RASGRP3: variants seen among roughly 807,000 people sequenced by gnomAD.
RASGRP3 encodes RAS guanyl releasing protein 3.
In RASGRP3, 54 loss-of-function variants were observed where a neutral mutation model predicts 82.7. That is an observed-to-expected ratio of 0.65 (90% CI 0.52 to 0.82). RASGRP3 has a LOEUF of 0.82. Among genes scored for constraint, RASGRP3 ranks in the 40% least tolerant of loss-of-function variants. The pLI, the probability that RASGRP3 is intolerant of heterozygous loss-of-function variation, is 0.00. For missense variants in RASGRP3, 861 were observed against 828.9 expected (o/e 1.04, Z -0.48); for synonymous variants, 309 against 300.5 (o/e 1.03, Z -0.29).
In RASGRP3 at chr2:33,558,237, T is replaced by C. The variant is rs773260697; in HGVS notation, c.1606T>C (p.Cys536Arg). ...CTGTGGAGCCAATTGTCACAAACAG[T>C]GCAAAGACCTCCTGGTTCTGGCCTG... ...KDCGANCHKQ[C>R]KDLLVLACRR... Residue 536 changes from cysteine to arginine, a missense_variant, in exon 16 of 18, where the codon TGC (cysteine) becomes CGC (arginine). By Grantham distance (180) the Cys-to-Arg change is radical. Transcript: ENST00000403687. 5.6e-5 allele frequency: 91 copies of C among 1,611,950 alleles called. No individual in the cohort carries two copies. The highest frequency in any genetic ancestry group is 7.4e-5 in the Non-Finnish European group (87 of 1,179,112).
chr2:33,531,720 C>T (rs1245708363), intron 10 of RASGRP3: 1 of 152,222 alleles, frequency 6.6e-6, no homozygotes, highest in Non-Finnish European at 1.5e-5. Context: ...ACTACCAAAA[C>T]ATTTCCATCG....
upstream of RASGRP3, among the ~76,000 whole-genome samples, chr2:33,475,596 C>G (rs2150923509): frequency 6.6e-6 from 1 of 152,268 alleles, no homozygotes; most frequent in African/African-American, 2.4e-5. Context: ...GAAGGGCAGG[C>G]TCAGACACTG....
At chr2:33,483,454 A>G (rs962192895) in intron 1 of RASGRP3, among the ~76,000 whole-genome samples, 2 of 150,548 alleles carry the variant, frequency 1.3e-5, no homozygotes, top group African/African-American at 4.9e-5. Context: ...AATTAAATTC[A>G]TATCTAATCC....
At chr2:33,465,070 T>C (rs1328630194) in intron 2 of RASGRP3, among the ~76,000 whole-genome samples, 2 of 152,202 alleles carry the variant, frequency 1.3e-5, no homozygotes, top group Non-Finnish European at 2.9e-5. Context: ...GTGAGGAAGG[T>C]GTGCTGAAAG....
chr2:33,448,056 T>C (rs1665592207), intron 2 of RASGRP3: 1 of 152,232 alleles, frequency 6.6e-6, no homozygotes, highest in South Asian at 2.1e-4. Flanking sequence ...GTCAGAAACT[T>C]TGTAAATTAT....
intron 17 of RASGRP3, among the ~76,000 whole-genome samples, chr2:33,559,319 C>G (rs924622778): frequency 2.6e-5 from 4 of 152,142 alleles, no homozygotes; most frequent in Admixed American, 1.3e-4. Flanking sequence ...CCCAGAAACC[C>G]ATGACTATAT....
At position 33,556,924 on chromosome 2, in the gene RASGRP3, C is replaced by CAT. The variant is rs1553366479; in HGVS notation, c.1580-1286_1580-1285insTA. 6.0e-3 allele frequency among the ~76,000 whole-genome samples: 593 copies of CAT among 98,148 alleles called. 3 individuals are homozygous for CAT. Among genetic ancestry groups the CAT allele is most frequent in the African/African-American group, 0.033 (574 of 17,164 alleles). 64.4% of individuals were successfully genotyped at this position (98,148 alleles called of 152,430 possible). ...ACACACACACACACACACACACACA[C>CAT]ACACGCAATTTTATAAAGATGAAAA... On this transcript the variant is annotated intron_variant, in intron 15 of 17. Coordinates refer to ENST00000403687, the MANE Select transcript of RASGRP3 (RefSeq NM_001139488.2).
intron 2 of RASGRP3, among the ~76,000 whole-genome samples, chr2:33,463,966 C>T (rs1666527483): frequency 6.6e-6 from 1 of 151,886 alleles, no homozygotes; most frequent in Non-Finnish European, 1.5e-5. Context: ...TTACACTTCA[C>T]AGATACTATG....
chr2:33,500,141 T>C (rs1490907551), intron 1 of RASGRP3, among the ~76,000 whole-genome samples: 1 of 152,116 alleles, frequency 6.6e-6, no homozygotes, highest in Non-Finnish European at 1.5e-5. Flanking sequence ...ATGGGGTCTG[T>C]GAAACCAGAG....
At chr2:33,452,657 C>T (rs931983931) in intron 2 of RASGRP3, among the ~76,000 whole-genome samples, 2 of 152,188 alleles carry the variant, frequency 1.3e-5, no homozygotes, top group Non-Finnish European at 1.5e-5. Flanking sequence ...TAGGATGGGC[C>T]TGGAGCCTGA....
chr2:33,522,077 A>G lies in RASGRP3; in HGVS notation c.491A>G (p.Glu164Gly). 1 of 1,609,664 alleles carries G rather than the reference A, an allele frequency of 6.2e-7. No homozygotes were observed. Among genetic ancestry groups the G allele is most frequent in the South Asian group, 1.1e-5 (1 of 89,926 alleles). ...IELAEHLTFL[E>G]HKSFRRISFT... ...TTGGCTGAGCACCTCACTTTTCTGGAGCATAAATCTTTTAGAAGGATCTCA... is the reference window on the plus strand; with the variant it reads ...TTGGCTGAGCACCTCACTTTTCTGGGGCATAAATCTTTTAGAAGGATCTCA... Residue 164 changes from glutamate to glycine, a missense_variant, in exon 7 of 18, where the codon GAG (glutamate) becomes GGG (glycine). Coordinates refer to ENST00000403687, the MANE Select transcript of RASGRP3 (RefSeq NM_001139488.2).
At chr2:33,560,422 T>C (rs1053338434) in intron 17 of RASGRP3, among the ~76,000 whole-genome samples, 5 of 152,200 alleles carry the variant, frequency 3.3e-5, no homozygotes, top group Non-Finnish European at 7.3e-5. Flanking sequence ...TGATTAGGTG[T>C]CAACAGCTCT....
At chr2:33,556,229 A>ATTTTTTTTTTT (rs1675932842) in intron 15 of RASGRP3, among the ~76,000 whole-genome samples, 1 of 86,954 alleles carries the variant, frequency 1.2e-5, no homozygotes, top group African/African-American at 6.6e-5. Flanking sequence ...TCTTCTAATA[A>ATTTTTTTTTTT]TCTTTTTTTT....
chr2:33,545,144 G>A (rs1440283436), intron 13 of RASGRP3, among the ~76,000 whole-genome samples: 1 of 152,120 alleles, frequency 6.6e-6, no homozygotes, highest in Non-Finnish European at 1.5e-5. Context: ...AATTGAGATT[G>A]TCCTAGCAAA....
At chr2:33,532,865 GATAA>G (rs1673237613) in intron 10 of RASGRP3, 1 of 152,192 alleles carries the variant, frequency 6.6e-6, no homozygotes, top group South Asian at 2.1e-4. Flanking sequence ...GTAGATTACT[GATAA>G]ATATTTGTTG....
At chr2:33,505,862 G>A (rs1448507904) in intron 1 of RASGRP3, among the ~76,000 whole-genome samples, 1 of 151,976 alleles carries the variant, frequency 6.6e-6, no homozygotes, top group African/African-American at 2.4e-5. Flanking sequence ...TGCTATGTTC[G>A]GCTGCAGCCA....
At position 33,558,656 on chromosome 2, in the gene RASGRP3, C is replaced by T. The variant is rs1365678951; in HGVS notation, c.1706-16C>T. ...CAGTCAGATGTCAAATAATCACCAC[C>T]CTTTTTCACTTCCAGCGCAGGATGA... On this transcript the variant is annotated splice_polypyrimidine_tract_variant and intron_variant, in intron 16 of 17. Coordinates refer to ENST00000403687, the MANE Select transcript of RASGRP3 (RefSeq NM_001139488.2). The T allele has an allele frequency of 1.9e-6, 3 of 1,568,900 alleles. No homozygotes were observed. The highest frequency in any genetic ancestry group is 2.4e-5 in the South Asian group (2 of 83,538).
rs765526367 is a variant in RASGRP3 at position 33,524,014 on chromosome 2, AG to A, written c.655del (p.Ala219GlnfsTer23). On this transcript the variant is annotated frameshift_variant, in exon 8 of 18. Coordinates refer to ENST00000403687, the MANE Select transcript of RASGRP3 (RefSeq NM_001139488.2). LOFTEE classifies it high-confidence loss of function. Reference protein sequence around the residue: ...MVLSKPTPQQRAEVITKFINV... With the variant: ...MVLSKPTPQQXAEVITKFINV... ...TCTTAGCAAACCAACCCCCCAGCAA[AG>A]GGCAGAAGTCATCACAAAGTTTATC... 2.4e-5 allele frequency: 38 copies of A among 1,613,846 alleles called. No homozygotes were observed. The highest frequency in any genetic ancestry group is 2.2e-5 in the Non-Finnish European group (26 of 1,179,864).
intron 1 of RASGRP3, among the ~76,000 whole-genome samples, chr2:33,439,959 C>T (rs891728340): frequency 6.6e-6 from 1 of 152,148 alleles, no homozygotes; most frequent in East Asian, 1.9e-4. Flanking sequence ...CCAATGGAGA[C>T]ACATCTGAGA....
Sources: gnomAD v4.1 joint callset for allele counts (sites outside exome capture counted in the v4.1 genomes callset) on GRCh38, gnomAD v4.1.1 for gene constraint, MANE v1.5 for transcripts, NCBI Gene and HGNC (gene_info 2026-07-23, HGNC 2026-07-21) for gene names.